Variants in DNAJC10 observed in about 807,000 individuals in gnomAD.
The protein encoded by DNAJC10 is DnaJ heat shock protein family (Hsp40) member C10, also known as endoplasmic reticulum disulfide reductase DNAJC10.
In DNAJC10, 101 loss-of-function variants were observed where a neutral mutation model predicts 115.0. The ratio of observed to expected loss-of-function variants is 0.88; its 90% CI spans 0.75 to 1.04. The LOEUF is 1.04. Among genes scored for constraint, DNAJC10 ranks in the 50% least tolerant of loss-of-function variants. DNAJC10 has a pLI of 0.00. For missense variants in DNAJC10, 981 were observed against 928.8 expected, an observed-to-expected ratio of 1.06 and a Z score of -0.73; for synonymous variants, 307 against 301.5, an observed-to-expected ratio of 1.02 and a Z score of -0.19.
At chr2:182,749,646 G>A (rs1268926314) in intron 14 of DNAJC10, among the ~76,000 whole-genome samples, 1 of 151,972 alleles carries the variant, frequency 6.6e-6, no homozygotes, top group African/African-American at 2.4e-5. Flanking sequence ...GGAGCATTTA[G>A]TCCATTTACA....
rs985422248 is a variant in DNAJC10, at chr2:182,783,696, A to G, written c.*6564A>G. ...TTCTATTTTGTGACAGGAGTGAAAA[A>G]ATGTTTAATGATTTTAAACATGTTT... On this transcript the variant is annotated 3_prime_UTR_variant, in exon 24 of 24. Transcript: ENST00000264065. The G allele has an allele frequency of 6.6e-6, 1 of 152,012 alleles. No homozygotes were observed. Among genetic ancestry groups the G allele is most frequent in the African/African-American group, 2.4e-5 (1 of 41,392 alleles). The allele number at this position is 152,012 out of a possible 1,614,324, so 9.4% of individuals were successfully genotyped here.
rs1694730158 is a variant in DNAJC10, at chr2:182,777,259, C to T, written c.*127C>T. 1.8e-6 allele frequency: 1 copy of T among 552,528 alleles called. No individual in the cohort carries two copies. The highest frequency in any genetic ancestry group is 2.9e-6 in the Non-Finnish European group (1 of 340,922). The allele number at this position is 552,528 out of a possible 1,614,324, so 34.2% of individuals were successfully genotyped here. A position where few individuals can be genotyped will look rare whatever the true frequency, so the allele number is the denominator to read the frequency against. ...TATCTTAGACTTGCAGTTGTACTGCCAGAATTATCTACAGCACTGGTGTAA... is the reference window on the plus strand; with the variant it reads ...TATCTTAGACTTGCAGTTGTACTGCTAGAATTATCTACAGCACTGGTGTAA... On this transcript the variant is annotated 3_prime_UTR_variant, in exon 24 of 24. Transcript: ENST00000264065.
intron 4 of DNAJC10, 58 bp downstream of exon 4, chr2:182,720,227 A>G: frequency 1.4e-6 from 2 of 1,393,438 alleles, no homozygotes; most frequent in South Asian, 1.2e-5. Context: ...AGAAAAGTGA[A>G]TTCTGTTTCA....
intron 10 of DNAJC10, among the ~76,000 whole-genome samples, chr2:182,735,348 G>A (rs1693557823): frequency 6.6e-6 from 1 of 151,654 alleles, no homozygotes; most frequent in East Asian, 1.9e-4. Flanking sequence ...TCTAAGTTCT[G>A]TCTTAAATGC....
chr2:182,743,792 A>G, intron 14 of DNAJC10, 80 bp downstream of exon 14: 1 of 968,300 alleles, frequency 1.0e-6, no homozygotes, highest in Non-Finnish European at 1.6e-6. Flanking sequence ...TTTTAAACTT[A>G]TTTTTTACGG....
Position 182,722,082 on chromosome 2 carries a change from T to A in DNAJC10, c.418+7T>A, listed in dbSNP as rs746962889. Reference sequence around the variant, plus strand: ...TTGGAAAGAAGAGAATTTGGTAAGTTTGTGGGCTTAAGGTTTTATAAAACT... The same window carrying A: ...TTGGAAAGAAGAGAATTTGGTAAGTATGTGGGCTTAAGGTTTTATAAAACT... On this transcript the variant is annotated splice_region_variant and intron_variant, in intron 5 of 23. Transcript: ENST00000264065. The A allele has an allele frequency of 2.2e-5, 34 of 1,562,964 alleles. No homozygotes were observed. In the East Asian group the frequency reaches 7.8e-4, roughly 36 times the overall value.
In DNAJC10 at chr2:182,758,902, A is replaced by C. The variant is rs779740637; in HGVS notation, c.1997+12A>C. ...ATCTGGGGTCTAGGGTGAGTAATTA[A>C]AATATATATCATTGTATAAAATAGA... is the stretch of plus-strand genomic sequence containing the variant. On this transcript the variant is annotated intron_variant, in intron 20 of 23. Coordinates refer to ENST00000264065, the MANE Select transcript of DNAJC10 (RefSeq NM_018981.4). The C allele has an allele frequency of 1.0e-5, 16 of 1,563,120 alleles. No individual in the cohort carries two copies. The highest frequency in any genetic ancestry group is 1.4e-5 in the Non-Finnish European group (16 of 1,134,388).
At chr2:182,729,699 A>C in intron 7 of DNAJC10, 149 bp from the exon 8 acceptor site, 2 of 475,176 alleles carry the variant, frequency 4.2e-6, no homozygotes, top group Non-Finnish European at 7.4e-6. Context: ...GATTATCAGG[A>C]TATCATTTGG....
intron 11 of DNAJC10, chr2:182,739,899 G>A: frequency 2.0e-6 from 2 of 985,512 alleles, no homozygotes; most frequent in African/African-American, 1.7e-5. Context: ...AAATTCTTAA[G>A]TGAATGTGTA....
intron 22 of DNAJC10, among the ~76,000 whole-genome samples, chr2:182,772,019 G>A (rs1450205248): frequency 6.6e-6 from 1 of 152,118 alleles, no homozygotes; most frequent in Non-Finnish European, 1.5e-5. Context: ...GGTATGTTGT[G>A]TCTTTGTTGC....
chr2:182,739,915 T>C (rs1693688685), intron 11 of DNAJC10: 4 of 987,082 alleles, frequency 4.1e-6, no homozygotes, highest in South Asian at 4.5e-5. Flanking sequence ...GTGTAAAACA[T>C]TGGCATTCTG....
At chr2:182,740,207 A>G (rs1283468736) in intron 11 of DNAJC10, 92 bp from the exon 12 acceptor site, 8 of 1,186,428 alleles carry the variant, frequency 6.7e-6, no homozygotes, top group African/African-American at 1.6e-5. Flanking sequence ...TCATTTTCCT[A>G]AAAATACTAC....
intron 22 of DNAJC10, among the ~76,000 whole-genome samples, chr2:182,765,652 C>T (rs913277762): frequency 6.6e-6 from 1 of 152,160 alleles, no homozygotes; most frequent in Non-Finnish European, 1.5e-5. Context: ...CAAGTCATCA[C>T]CTTCATTGTT....
intron 5 of DNAJC10, among the ~76,000 whole-genome samples, chr2:182,722,700 G>C (rs1022925085): frequency 2.0e-5 from 3 of 152,068 alleles, no homozygotes; most frequent in African/African-American, 7.2e-5. Context: ...CAGCACTTTG[G>C]GAGGCCAAGG....
At chr2:182,756,169 T>C (rs1475740387) in intron 17 of DNAJC10, 145 bp from the exon 18 acceptor site, 10 of 620,954 alleles carry the variant, frequency 1.6e-5, no homozygotes, top group Admixed American at 3.6e-5. Flanking sequence ...TCCCAAGATA[T>C]ATGCAAATAT....
rs779171743 is a variant in DNAJC10 at position 182,783,283 on chromosome 2, CTATT to C, written c.*6155_*6158del. On this transcript the variant is annotated 3_prime_UTR_variant, in exon 24 of 24. Coordinates refer to ENST00000264065, the MANE Select transcript of DNAJC10 (RefSeq NM_018981.4). ...CTTAGAAAACTTGAATTCTAAGTGG[CTATT>C]TATATTACCAAGCGGTAAAACATTA... is the stretch of plus-strand genomic sequence containing the variant. 6.6e-6 allele frequency: 1 copy of C among 152,096 alleles called. No individual in the cohort carries two copies. Among genetic ancestry groups the C allele is most frequent in the Non-Finnish European group, 1.5e-5 (1 of 68,022 alleles). 9.4% of individuals were successfully genotyped at this position (152,096 alleles called of 1,614,324 possible).
chr2:182,738,563 C>G (rs1403208860), intron 11 of DNAJC10, among the ~76,000 whole-genome samples: 1 of 151,000 alleles, frequency 6.6e-6, no homozygotes, highest in African/African-American at 2.4e-5. Context: ...TTTTTTGAGA[C>G]GGAGTCTTGT....
chr2:182,749,611 A>G lies in DNAJC10; in HGVS notation c.1307-2047A>G, dbSNP rs528413135. Among the ~76,000 whole-genome samples the G allele has an allele frequency of 5.3e-5, 8 of 151,798 alleles. No individual in the cohort carries two copies. The East Asian group carries it at 1.2e-3, about 22-fold the overall frequency. On this transcript the variant is annotated intron_variant, in intron 14 of 23. Transcript: ENST00000264065. ...CTGATGGGTCTTGACTCTTTATCCA[A>G]TTTGCCAGTCTGTGTCTTTTAATTG...
rs1320910301 is a variant in DNAJC10 at position 182,778,405 on chromosome 2, G to A, written c.*1273G>A. ...TTTAGACTCAAAGAATCACAAATTT[G>A]TCAGTAACATGTAGTTGTTTAGTTA... On this transcript the variant is annotated 3_prime_UTR_variant, in exon 24 of 24. Transcript: ENST00000264065. 6.6e-6 allele frequency: 1 copy of A among 152,076 alleles called. No homozygotes were observed. The highest frequency in any genetic ancestry group is 1.5e-5 in the Non-Finnish European group (1 of 67,998). 9.4% of individuals were successfully genotyped at this position (152,076 alleles called of 1,614,324 possible). A position where few individuals can be genotyped will look rare whatever the true frequency, so the allele number is the denominator to read the frequency against.
Sources: gnomAD v4.1 joint callset for allele counts (sites outside exome capture counted in the v4.1 genomes callset) on GRCh38, gnomAD v4.1.1 for gene constraint, MANE v1.5 for transcripts, NCBI Gene and HGNC (gene_info 2026-07-23, HGNC 2026-07-21) for gene names.